The following TIAM1 variants were observed in gnomAD, a reference collection of about 807,000 sequenced individuals.
TIAM1 encodes rho guanine nucleotide exchange factor TIAM1.
TIAM1 carries 65 observed loss-of-function variants against 163.5 expected under a neutral mutation model. The ratio of observed to expected loss-of-function variants is 0.40; its 90% confidence interval spans 0.33 to 0.49. The LOEUF (loss-of-function observed/expected upper bound fraction) is 0.49, where lower values mean the gene tolerates loss of function less well. Ranked by LOEUF, TIAM1 falls within the 20% of genes least tolerant of loss-of-function variation. The probability of loss-of-function intolerance (pLI) is 0.77; values close to 1 mark genes in which losing one functional copy is unlikely to be tolerated. For missense variants in TIAM1, 1,789 were observed against 2,044.7 expected (o/e 0.87, Z 2.41); for synonymous variants, 833 against 810.1 (o/e 1.03, Z -0.48).
At chr21:31,124,300 G>T in intron 27 of TIAM1, 1 of 469,936 alleles carries the variant, frequency 2.1e-6, no homozygotes. Context: ...CAAAGGGAAG[G>T]CTTGAGGGAG....
intron 15 of TIAM1, among the ~76,000 whole-genome samples, chr21:31,176,491 C>A (rs1041749484): frequency 6.6e-6 from 1 of 152,066 alleles, no homozygotes; most frequent in Non-Finnish European, 1.5e-5. Flanking sequence ...TGGCAAACAG[C>A]CAAGGATAGG....
At chr21:31,415,836 C>T (rs1439726668) in intron 2 of TIAM1, among the ~76,000 whole-genome samples, 2 of 152,120 alleles carry the variant, frequency 1.3e-5, no homozygotes, top group African/African-American at 4.8e-5. Flanking sequence ...AACAGAATGC[C>T]TTCCCCACAC....
intron 2 of TIAM1, among the ~76,000 whole-genome samples, chr21:31,301,452 CTAG>C (rs1265660882): frequency 6.6e-6 from 1 of 152,128 alleles, no homozygotes; most frequent in Admixed American, 6.6e-5. Flanking sequence ...GAATTACATT[CTAG>C]GTAAATTAAT....
At chr21:31,123,528 A>C (rs902238564) in intron 27 of TIAM1, among the ~76,000 whole-genome samples, 3 of 149,138 alleles carry the variant, frequency 2.0e-5, no homozygotes, top group African/African-American at 7.8e-5. Context: ...CTAGTCCCCT[A>C]AATTAAATTT....
intron 16 of TIAM1, 45 bp from the exon 17 acceptor site, chr21:31,154,471 CA>C (rs2083525268): frequency 1.3e-6 from 2 of 1,584,448 alleles, no homozygotes; most frequent in Admixed American, 1.7e-5. Context: ...CATTATCCCT[CA>C]TTAGACGCAC....
rs959425859 is a variant in TIAM1 at position 31,124,680 on chromosome 21, C to T, written c.4148G>A (p.Arg1383Gln). The T allele has an allele frequency of 4.4e-6, 7 of 1,584,916 alleles. No homozygotes were observed. The highest frequency in any genetic ancestry group is 1.7e-4 in the Middle Eastern group (1 of 5,924). The change falls in exon 27 of 28, where the codon CGA (arginine) becomes CAA (glutamine). Residue 1383 changes from arginine (R) to glutamine (Q), a missense_variant. Physicochemically the swap from Arg to Gln is conservative, Grantham distance 43. Around this residue, in one of 5 missense-constraint regions of TIAM1, gnomAD observed 415 missense variants for 439.2 expected, o/e 0.94. Coordinates refer to ENST00000541036, the MANE Select transcript of TIAM1 (RefSeq NM_001353694.2). ...ATGCACAGCCTTTAGGAAATCCTTT[C>T]GGCTCTCTGGGGAGCTAGGAAAAGA... ...FHLCCSSPES[R>Q]KDFLKAVHSI...
At chr21:31,440,459 T>C (rs1267904781) in intron 2 of TIAM1, among the ~76,000 whole-genome samples, 1 of 152,170 alleles carries the variant, frequency 6.6e-6, no homozygotes, top group Non-Finnish European at 1.5e-5. Context: ...TAAACCTAAA[T>C]TCTTGGCCTT....
At chr21:31,232,127 G>C (rs1203472958) in intron 6 of TIAM1, among the ~76,000 whole-genome samples, 2 of 151,860 alleles carry the variant, frequency 1.3e-5, no homozygotes, top group Non-Finnish European at 2.9e-5. Context: ...TTTTATGTGT[G>C]GTGTACCTCA....
chr21:31,522,226 G>T (rs2047624383), intron 1 of TIAM1, among the ~76,000 whole-genome samples: 1 of 151,102 alleles, frequency 6.6e-6, no homozygotes, highest in Non-Finnish European at 1.5e-5. Context: ...AGAAATTATT[G>T]CTGGGCCCGG....
At chr21:31,315,229 G>GC (rs2075067362) in intron 2 of TIAM1, among the ~76,000 whole-genome samples, 1 of 152,006 alleles carries the variant, frequency 6.6e-6, no homozygotes, top group East Asian at 1.9e-4. Flanking sequence ...AAGTAGCTGC[G>GC]CATGGCCGGG....
At chr21:31,154,738 C>T (rs115232901) in intron 16 of TIAM1, among the ~76,000 whole-genome samples, 3 of 152,310 alleles carry the variant, frequency 2.0e-5, no homozygotes, top group East Asian at 1.9e-4. Flanking sequence ...TGATGCAGTA[C>T]GTAAGTGGCA....
chr21:31,284,859 GGA>G (rs2073732646), intron 2 of TIAM1, among the ~76,000 whole-genome samples: 1 of 152,022 alleles, frequency 6.6e-6, no homozygotes, highest in Admixed American at 6.6e-5. Flanking sequence ...TGGAGACAAG[GGA>G]GTCTCCATTC....
At chr21:31,484,607 G>C (rs924402276) in intron 1 of TIAM1, among the ~76,000 whole-genome samples, 5 of 152,132 alleles carry the variant, frequency 3.3e-5, no homozygotes, top group Non-Finnish European at 7.4e-5. Context: ...CCTACTCAAG[G>C]CCCAGCTATT....
At position 31,266,421 on chromosome 21, in the gene TIAM1, T is replaced by A. The variant is rs190083188; in HGVS notation, c.552A>T (p.Ser184=). 1 of 1,614,018 alleles carries A rather than the reference T, an allele frequency of 6.2e-7. No individual in the cohort carries two copies. The highest frequency in any genetic ancestry group is 1.7e-5 in the Admixed American group (1 of 60,004). The change falls in exon 4 of 28, where the codon TCA becomes TCT. Residue 184 remains serine (S), a synonymous_variant. Coordinates refer to ENST00000541036, the MANE Select transcript of TIAM1 (RefSeq NM_001353694.2). ...DIWREDSLEF[S]LSDLSQEHLT... is the part of the protein sequence containing the mutation. ...AATGTTCTTGGCTCAGATCAGAGAGTGAGAATTCCAGGCTGTCCTCCCGCC... is the reference window on the plus strand; with the variant it reads ...AATGTTCTTGGCTCAGATCAGAGAGAGAGAATTCCAGGCTGTCCTCCCGCC...
intron 1 of TIAM1, among the ~76,000 whole-genome samples, chr21:31,465,715 C>T (rs1030104395): frequency 1.3e-5 from 2 of 152,162 alleles, no homozygotes; most frequent in Admixed American, 6.5e-5. Context: ...GGACTACAGG[C>T]GCCCGCCACC....
chr21:31,143,981 A>G (rs2082983008), intron 20 of TIAM1, among the ~76,000 whole-genome samples: 3 of 151,714 alleles, frequency 2.0e-5, no homozygotes, highest in African/African-American at 7.3e-5. Flanking sequence ...CGATCTGCCC[A>G]CCTCGGCCTC....
intron 2 of TIAM1, among the ~76,000 whole-genome samples, chr21:31,426,317 C>A (rs963236929): frequency 6.6e-6 from 1 of 152,200 alleles, no homozygotes; most frequent in Admixed American, 6.5e-5. Context: ...GCCACCTTCT[C>A]AGACTTGGGG....
intron 1 of TIAM1, among the ~76,000 whole-genome samples, chr21:31,527,574 C>G (rs901990355): frequency 2.6e-5 from 4 of 152,042 alleles, no homozygotes; most frequent in Non-Finnish European, 5.9e-5. Context: ...TGATGGATTA[C>G]TAAATTCACA....
At chr21:31,421,820 T>C (rs2043585685) in intron 2 of TIAM1, among the ~76,000 whole-genome samples, 1 of 151,834 alleles carries the variant, frequency 6.6e-6, no homozygotes, top group Non-Finnish European at 1.5e-5. Context: ...TGAGACCCTA[T>C]CTCTACAAAA....
Sources: gnomAD v4.1 joint callset for allele counts (sites outside exome capture counted in the v4.1 genomes callset) on GRCh38, gnomAD v4.1.1 for gene constraint, gnomAD v4.1.1 regional missense constraint, MANE v1.5 for transcripts, NCBI Gene and HGNC (gene_info 2026-07-23, HGNC 2026-07-21) for gene names.